SRCAP: variants seen among roughly 807,000 people sequenced by gnomAD.
The protein encoded by SRCAP is chromatin remodeling protein SRCAP.
Under a neutral mutation model 263.1 loss-of-function variants are expected in SRCAP, and 46 were observed. That is an observed-to-expected ratio of 0.17 (90% confidence interval 0.14 to 0.22). The LOEUF (loss-of-function observed/expected upper bound fraction) is 0.22. Among genes scored for constraint, SRCAP ranks in the 10% least tolerant of loss-of-function variants. The pLI is 1.00. For missense variants in SRCAP, 3,695 were observed against 4,181.9 expected, an observed-to-expected ratio of 0.88 and a Z score of 3.21; for synonymous variants, 1,813 against 1,662.1, an observed-to-expected ratio of 1.09 and a Z score of -2.21.
At chr16:30,707,979 G>A (rs961481363) in intron 6 of SRCAP, among the ~76,000 whole-genome samples, 6 of 152,172 alleles carry the variant, frequency 3.9e-5, no homozygotes, top group Admixed American at 1.3e-4. Context: ...GTGCCACTTA[G>A]CACATGCTTA....
Position 30,723,628 on chromosome 16 carries a change from C to T in SRCAP, c.4204C>T (p.His1402Tyr), listed in dbSNP as rs1405297260. 6.2e-7 allele frequency: 1 copy of T among 1,613,450 alleles called. No individual in the cohort carries two copies. The highest frequency in any genetic ancestry group is 2.2e-5 in the East Asian group (1 of 44,882). Reference sequence around the variant, plus strand: ...CCCCTTGACCATCTCTTCTCCTCTCCACGTGCCATCCTCCCTCCCTGGGCC... The same window carrying T: ...CCCCTTGACCATCTCTTCTCCTCTCTACGTGCCATCCTCCCTCCCTGGGCC... ...AAPLTISSPL[H>Y]VPSSLPGPAS... is the part of the protein sequence containing the mutation. The change falls in exon 25 of 34, where the codon CAC (histidine) becomes TAC (tyrosine). Residue 1402 changes from histidine to tyrosine, a missense_variant. This residue lies in a region of SRCAP where 1,347 missense variants were observed against 1,304.4 expected (regional missense o/e 1.03). Coordinates refer to ENST00000262518, the MANE Select transcript of SRCAP (RefSeq NM_006662.3).
At chr16:30,708,083 G>C (rs1396592559) in intron 6 of SRCAP, among the ~76,000 whole-genome samples, 4 of 152,188 alleles carry the variant, frequency 2.6e-5, no homozygotes, top group Non-Finnish European at 4.4e-5. Flanking sequence ...CTTGCCTCCT[G>C]CCATGTTCAT....
At position 30,712,813 on chromosome 16, in the gene SRCAP, C is replaced by T; in HGVS notation, c.2128C>T (p.Gln710Ter). 1 of 1,614,176 alleles carries T rather than the reference C, an allele frequency of 6.2e-7. No individual in the cohort carries two copies. The highest frequency in any genetic ancestry group is 8.5e-7 in the Non-Finnish European group (1 of 1,180,012). ...GAQKERKLKR[Q>*]GWTKPNAFHV... ...CCAGAAAGAGAGGAAGCTCAAGCGG[C>T]AGGTTCGATGTTTCATGTGGTCACT... is the stretch of plus-strand genomic sequence containing the variant. Residue 710 changes from glutamine (Q) to a stop codon, truncating the protein, a stop_gained and splice_region_variant, in exon 14 of 34, where the codon CAG (glutamine) becomes TAG (stop). Transcript: ENST00000262518. LOFTEE classifies it high-confidence loss of function.
Position 30,721,227 on chromosome 16 carries a change from C to T in SRCAP, c.3292C>T (p.Arg1098Trp), listed in dbSNP as rs556230791. The T allele has an allele frequency of 6.3e-5, 101 of 1,613,168 alleles. No homozygotes were observed. The highest frequency in any genetic ancestry group is 8.0e-5 in the Non-Finnish European group (94 of 1,179,584). ...CCTGGGGGTCCTGAGTGGGACCTCA[C>T]GGCCTCCCACGCCAACCTTGTCCCT... ...SPLGVLSGTS[R>W]PPTPTLSLKP... The change falls in exon 21 of 34, where the codon CGG becomes TGG. Residue 1098 changes from arginine (R) to tryptophan (W), a missense_variant. Transcript: ENST00000262518.
In SRCAP at chr16:30,722,747, G is replaced by C. The variant is rs1317282759; in HGVS notation, c.3891G>C (p.Gln1297His). ...TGLSLPLAAN[Q>H]VPPTMVNNTG... ...TCAGCCTTCCGCTTGCTGCTAACCA[G>C]GGTGAGGCTCCTGGCCTTCCTACTT... Residue 1297 changes from glutamine to histidine, a missense_variant and splice_region_variant, in exon 23 of 34, where the codon CAG becomes CAC. Physicochemically the swap from Gln to His is conservative, Grantham distance 24. Around this residue, in one of 12 missense-constraint regions of SRCAP, gnomAD observed 1,347 missense variants for 1,304.4 expected, o/e 1.03. Transcript: ENST00000262518. 16 of 1,608,160 alleles carry C rather than the reference G, an allele frequency of 9.9e-6. No homozygotes were observed. The highest frequency in any genetic ancestry group is 1.3e-5 in the Non-Finnish European group (15 of 1,175,792).
At chr16:30,725,847 A>T (rs1370075067) in intron 25 of SRCAP, 2 of 152,024 alleles carry the variant, frequency 1.3e-5, no homozygotes, top group African/African-American at 2.4e-5. Flanking sequence ...CTGGTCTCGA[A>T]TTCCTGGCCT....
At chr16:30,712,876 T>A in intron 14 of SRCAP, 61 bp downstream of exon 14, 1 of 1,570,998 alleles carries the variant, frequency 6.4e-7, no homozygotes, top group African/African-American at 1.4e-5. Flanking sequence ...TTAAGCCCTT[T>A]CCTCAGGTGA....
At chr16:30,702,798 G>T (rs941322114) in intron 3 of SRCAP, among the ~76,000 whole-genome samples, 3 of 151,606 alleles carry the variant, frequency 2.0e-5, no homozygotes, top group Admixed American at 6.6e-5. Flanking sequence ...TAGAGATGGG[G>T]TTTCACCATG....
Position 30,720,697 on chromosome 16 carries a change from T to C in SRCAP, c.2988-16T>C, listed in dbSNP as rs776431041. ...CTCCTTCTGTCCCTACCCACTCTCT[T>C]AATTTTTTCTCACAGGATGCTGCAG... is the stretch of plus-strand genomic sequence containing the variant. On this transcript the variant is annotated splice_polypyrimidine_tract_variant and intron_variant, in intron 19 of 33. Coordinates refer to ENST00000262518, the MANE Select transcript of SRCAP (RefSeq NM_006662.3). 20 of 1,578,084 alleles carry C rather than the reference T, an allele frequency of 1.3e-5. No individual in the cohort carries two copies. The highest frequency in any genetic ancestry group is 1.6e-5 in the Non-Finnish European group (19 of 1,159,536).
chr16:30,733,554 T>G lies in SRCAP; in HGVS notation c.6298-48T>G. ...GTGCCACTAAGCCTTTAGACCTGTT[T>G]TGGGGGATAAGTCTCCCAGTATCAT... On this transcript the variant is annotated intron_variant, in intron 28 of 33. Coordinates refer to ENST00000262518, the MANE Select transcript of SRCAP (RefSeq NM_006662.3). This position sits in a 1 kb window ranked among gnomAD's most constrained non-coding sequence, Gnocchi z 5.3. The G allele has an allele frequency of 6.2e-7, 1 of 1,603,474 alleles. No individual in the cohort carries two copies. Among genetic ancestry groups the G allele is most frequent in the Non-Finnish European group, 8.5e-7 (1 of 1,173,132 alleles).
In SRCAP at chr16:30,704,841, C is replaced by CA. The variant is rs201661189; in HGVS notation, c.306+535dup. ...TGAGCAACCGAGTAAGATCCTGTCT[C>CA]AAAAAAAAAGGAGAAAATAGACACA... On this transcript the variant is annotated intron_variant, in intron 4 of 33. Coordinates refer to ENST00000262518, the MANE Select transcript of SRCAP (RefSeq NM_006662.3). 2.6e-3 allele frequency among the ~76,000 whole-genome samples: 385 copies of CA among 149,608 alleles called. 3 individuals carry two copies. The highest frequency in any genetic ancestry group is 8.7e-3 in the African/African-American group (353 of 40,786).
Position 30,733,136 on chromosome 16 carries a change from GTAGT to G in SRCAP, c.6128-141_6128-138del, listed in dbSNP as rs1041906801. The G allele has an allele frequency of 7.8e-6, 7 of 896,134 alleles. No individual in the cohort carries two copies. Among genetic ancestry groups the G allele is most frequent in the African/African-American group, 3.3e-5 (2 of 60,066 alleles). 55.5% of individuals were successfully genotyped at this position (896,134 alleles called of 1,614,324 possible). A position where few individuals can be genotyped will look rare whatever the true frequency, so the allele number is the denominator to read the frequency against. ...CAGGTGTGAGCCACCATGCCCTGCCGTAGTTAAACATTTTTGATCTGCTAGGCTA... is the reference window on the plus strand; with the variant it reads ...CAGGTGTGAGCCACCATGCCCTGCCGTAAACATTTTTGATCTGCTAGGCTA... On this transcript the variant is annotated intron_variant, in intron 27 of 33. Transcript: ENST00000262518. The surrounding 1 kb of genome is among the most constrained non-coding windows in gnomAD (Gnocchi z 5.3).
rs747543453 is a variant in SRCAP, at chr16:30,720,144, C to T, written c.2818-18C>T. 1.9e-6 allele frequency: 3 copies of T among 1,597,268 alleles called. No individual in the cohort carries two copies. Among genetic ancestry groups the T allele is most frequent in the Admixed American group, 1.7e-5 (1 of 59,458 alleles). ...GATTTTGTTCTTCTTTATGACTGTG[C>T]TTTCTTTCTTGTGGCAGCGGATAGA... On this transcript the variant is annotated intron_variant, in intron 18 of 33. Transcript: ENST00000262518.
chr16:30,735,673 C>T (rs1366032814), intron 31 of SRCAP, among the ~76,000 whole-genome samples: 1 of 149,720 alleles, frequency 6.7e-6, no homozygotes. Flanking sequence ...CTCCACCTCC[C>T]GGGTTCAAGT....
At chr16:30,711,463 TG>T in intron 10 of SRCAP, 107 bp from the exon 11 acceptor site, 2 of 1,194,550 alleles carry the variant, frequency 1.7e-6, no homozygotes, top group Non-Finnish European at 2.3e-6. Context: ...CCCTCAGACC[TG>T]GGCCTAGCAG....
chr16:30,707,719 A>G lies in SRCAP; in HGVS notation c.633+7A>G. The G allele has an allele frequency of 6.2e-7, 1 of 1,614,114 alleles. No homozygotes were observed. Among genetic ancestry groups the G allele is most frequent in the South Asian group, 1.1e-5 (1 of 91,074 alleles). On this transcript the variant is annotated splice_region_variant and intron_variant, in intron 6 of 33. Transcript: ENST00000262518. ...CTGGAGCAATGTGGAGAAGGTAGAC[A>G]GTGGGGATCAGGAAAGGAAAATGGC... is the stretch of plus-strand genomic sequence containing the variant.
intron 25 of SRCAP, among the ~76,000 whole-genome samples, chr16:30,726,701 T>C (rs554667444): frequency 6.6e-6 from 1 of 151,724 alleles, no homozygotes; most frequent in South Asian, 2.1e-4. Context: ...TGTATTCTTA[T>C]TATTTTATTT....
chr16:30,722,932 A>G, intron 23 of SRCAP, 31 bp from the exon 24 acceptor site: 1 of 1,580,888 alleles, frequency 6.3e-7, no homozygotes, highest in African/African-American at 1.4e-5. Context: ...TTTCTTTTCT[A>G]CCTTCCTCTC....
Position 30,722,253 on chromosome 16 carries a change from C to A in SRCAP, c.3673C>A (p.Gln1225Lys). The A allele has an allele frequency of 9.3e-6, 15 of 1,614,158 alleles. No homozygotes were observed. Among genetic ancestry groups the A allele is most frequent in the Non-Finnish European group, 1.3e-5 (15 of 1,180,022 alleles). Residue 1225 changes from glutamine to lysine, a missense_variant, in exon 22 of 34, where the codon CAG (glutamine) becomes AAG (lysine). Physicochemically the swap from Gln to Lys is moderately conservative, Grantham distance 53. Transcript: ENST00000262518. ...GACTTTGACTGGTGCCCAGGTGCGCCAGCTTGCTGTGGGGCAGCCCCGCCC... is the reference window on the plus strand; with the variant it reads ...GACTTTGACTGGTGCCCAGGTGCGCAAGCTTGCTGTGGGGCAGCCCCGCCC... ...KLTLTGAQVR[Q>K]LAVGQPRPLQ... is the part of the protein sequence containing the mutation.
Sources: gnomAD v4.1 joint callset for allele counts (sites outside exome capture counted in the v4.1 genomes callset) on GRCh38, gnomAD v4.1.1 for gene constraint, gnomAD v4.1.1 regional missense constraint, Gnocchi (gnomAD v3.1) non-coding constraint, MANE v1.5 for transcripts, NCBI Gene and HGNC (gene_info 2026-07-23, HGNC 2026-07-21) for gene names.